Variants in CTNNBL1 observed in about 807,000 individuals in gnomAD.
CTNNBL1 encodes catenin beta like 1, also known as beta-catenin-like protein 1.
A neutral mutation model predicts 72.7 loss-of-function variants in CTNNBL1; 31 were observed. That is an observed-to-expected ratio of 0.43 (90% confidence interval 0.32 to 0.58). The LOEUF (loss-of-function observed/expected upper bound fraction) is 0.58, where lower values mean the gene tolerates loss of function less well. CTNNBL1 is among the 20% of genes least tolerant of loss of function. The probability of loss-of-function intolerance (pLI) is 0.08; values close to 1 mark genes in which losing one functional copy is unlikely to be tolerated. For synonymous variants in CTNNBL1, 240 were observed against 267.3 expected (o/e 0.90, Z 1.00); for missense variants, 534 against 725.1 (o/e 0.74, Z 3.03).
At chr20:37,796,795 G>A (rs1006608726) in intron 10 of CTNNBL1, among the ~76,000 whole-genome samples, 77 of 152,294 alleles carry the variant, frequency 5.1e-4, no homozygotes, top group African/African-American at 1.6e-3. Context: ...TCAGGACTCA[G>A]GCTGAAGGAG....
intron 2 of CTNNBL1, among the ~76,000 whole-genome samples, chr20:37,734,489 C>T (rs2073155862): frequency 6.6e-6 from 1 of 152,126 alleles, no homozygotes; most frequent in African/African-American, 2.4e-5. Context: ...AAGGCTGGTA[C>T]TGGAGGATTA....
Position 37,862,491 on chromosome 20 carries a change from A to G in CTNNBL1, c.1603+2147A>G, listed in dbSNP as rs1469368953. Among the ~76,000 whole-genome samples, 12 of 152,016 alleles carry G rather than the reference A, an allele frequency of 7.9e-5. No homozygotes were observed. The South Asian group carries it at 8.3e-4, about 11-fold the overall frequency. ...CCACACACACCCTAAGTGATTCACA[A>G]TTTTCCATTGTTGTGAGCCCTAGCC... On this transcript the variant is annotated intron_variant, in intron 15 of 15. Coordinates refer to ENST00000361383, the MANE Select transcript of CTNNBL1 (RefSeq NM_030877.5).
At chr20:37,861,125 T>TGTCACAGCTAGG (rs2072488181) in intron 15 of CTNNBL1, among the ~76,000 whole-genome samples, 1 of 152,080 alleles carries the variant, frequency 6.6e-6, no homozygotes, top group Non-Finnish European at 1.5e-5. Flanking sequence ...CTCTAGCTGC[T>TGTCACAGCTAGG]AGCCTGTCAC....
At chr20:37,846,038 C>T (rs553734672) in intron 13 of CTNNBL1, among the ~76,000 whole-genome samples, 6 of 152,106 alleles carry the variant, frequency 3.9e-5, no homozygotes, top group African/African-American at 9.7e-5. Flanking sequence ...ATGAGGTGCC[C>T]GCTCTGGGAA....
intron 1 of CTNNBL1, chr20:37,694,883 ACT>A (rs1456111024): frequency 6.6e-6 from 1 of 152,322 alleles, no homozygotes; most frequent in African/African-American, 2.4e-5. Context: ...GCTCAGGCGT[ACT>A]GACTTCCACC....
chr20:37,871,840 G>C, intron 15 of CTNNBL1, 85 bp from the exon 16 acceptor site: 1 of 1,182,920 alleles, frequency 8.5e-7, no homozygotes, highest in African/African-American at 1.5e-5. Context: ...GTGGGAGCTG[G>C]GGTTCTGGGA....
chr20:37,829,300 G>A, intron 11 of CTNNBL1, among the ~76,000 whole-genome samples: 1 of 152,186 alleles, frequency 6.6e-6, no homozygotes, highest in East Asian at 1.9e-4. Flanking sequence ...GCAAGATCTT[G>A]CCAAGATATG....
At chr20:37,774,515 G>A (rs2073557052) in intron 7 of CTNNBL1, among the ~76,000 whole-genome samples, 1 of 152,166 alleles carries the variant, frequency 6.6e-6, no homozygotes, top group East Asian at 1.9e-4. Context: ...CAATTTCTCA[G>A]TCAGAACTTA....
In CTNNBL1 at chr20:37,860,323, A is replaced by G. The variant is rs1428897109; in HGVS notation, c.1582A>G (p.Ile528Val). Residue 528 changes from isoleucine to valine, a missense_variant, in exon 15 of 16, where the codon ATT (isoleucine) becomes GTT (valine). Transcript: ENST00000361383. ...AAACATGCGAGGAAGCTCCATCAAA[A>G]TTGTCAGGCATATCATCAAGGGTGA... ...ILNMRGSSIK[I>V]VRHIIKEYAE... 5.0e-6 allele frequency: 8 copies of G among 1,613,866 alleles called. No individual in the cohort carries two copies. Among genetic ancestry groups the G allele is most frequent in the Non-Finnish European group, 6.8e-6 (8 of 1,179,860 alleles).
At chr20:37,787,344 T>TG (rs1491525786) in intron 10 of CTNNBL1, among the ~76,000 whole-genome samples, 13 of 17,818 alleles carry the variant, frequency 7.3e-4, no homozygotes, top group East Asian at 6.0e-3. Context: ...TAACTGTGTG[T>TG]TTTTTTTTTT....
intron 15 of CTNNBL1, among the ~76,000 whole-genome samples, chr20:37,864,143 C>T (rs1459361254): frequency 6.6e-6 from 1 of 152,082 alleles, no homozygotes; most frequent in East Asian, 1.9e-4. Context: ...CTGGGCTCTT[C>T]TGGGACCCCC....
At chr20:37,721,056 G>T (rs1006978376) in intron 1 of CTNNBL1, among the ~76,000 whole-genome samples, 5 of 152,184 alleles carry the variant, frequency 3.3e-5, no homozygotes, top group African/African-American at 1.2e-4. Context: ...GATGGAAGGT[G>T]ATCTGCCATT....
chr20:37,790,386 T>C (rs186956487), intron 10 of CTNNBL1, among the ~76,000 whole-genome samples: 39 of 152,284 alleles, frequency 2.6e-4, no homozygotes, highest in Admixed American at 1.9e-3. Flanking sequence ...AGGATTCAAG[T>C]GCAAAAGCAA....
chr20:37,870,711 G>A (rs1382663280), intron 15 of CTNNBL1, among the ~76,000 whole-genome samples: 1 of 152,206 alleles, frequency 6.6e-6, no homozygotes, highest in South Asian at 2.1e-4. Flanking sequence ...GTCAAATCAC[G>A]TCATTCCTTT....
Position 37,697,973 on chromosome 20 carries a change from C to T in CTNNBL1, c.30+3821C>T, listed in dbSNP as rs6125908. 2.8e-3 allele frequency among the ~76,000 whole-genome samples: 425 copies of T among 152,224 alleles called. 4 individuals are homozygous for T. Among genetic ancestry groups the T allele is most frequent in the East Asian group, 0.017 (87 of 5,186 alleles). On this transcript the variant is annotated intron_variant, in intron 1 of 15. Transcript: ENST00000361383. Reference sequence around the variant, plus strand: ...AGTATTTCATTTTGTCAATCTGACCCCTTTCCCCCTCACCAAGAGCAAATA... The same window carrying T: ...AGTATTTCATTTTGTCAATCTGACCTCTTTCCCCCTCACCAAGAGCAAATA...
At chr20:37,864,190 G>A (rs372617998) in intron 15 of CTNNBL1, among the ~76,000 whole-genome samples, 7 of 145,190 alleles carry the variant, frequency 4.8e-5, no homozygotes, top group African/African-American at 1.6e-4. Flanking sequence ...TTCATACCAC[G>A]CCCCCCCCAC....
At chr20:37,733,872 A>G (rs1043373840) in intron 2 of CTNNBL1, among the ~76,000 whole-genome samples, 13 of 152,326 alleles carry the variant, frequency 8.5e-5, no homozygotes, top group African/African-American at 2.9e-4. Context: ...TCACAGCTCT[A>G]TCTTTGGCAC....
chr20:37,763,589 C>G (rs1159254176), intron 5 of CTNNBL1, among the ~76,000 whole-genome samples: 2 of 152,214 alleles, frequency 1.3e-5, no homozygotes, highest in African/African-American at 4.8e-5. Flanking sequence ...TCTATGCCAC[C>G]TACCATTGCC....
intron 11 of CTNNBL1, among the ~76,000 whole-genome samples, chr20:37,822,660 G>A (rs1333182774): frequency 6.6e-6 from 1 of 152,196 alleles, no homozygotes; most frequent in Non-Finnish European, 1.5e-5. Flanking sequence ...ATTTAGGATG[G>A]TAGGGAGAAA....
Sources: allele counts gnomAD v4.1 joint callset (sites outside exome capture counted in the v4.1 genomes callset), GRCh38; gene constraint gnomAD v4.1.1; transcripts MANE v1.5; gene names NCBI Gene and HGNC (gene_info 2026-07-23, HGNC 2026-07-21).